Variants in LGR5 observed in about 807,000 individuals in gnomAD.
The protein encoded by LGR5 is leucine-rich repeat-containing G protein-coupled receptor 5.
Under a neutral mutation model 76.7 loss-of-function variants are expected in LGR5, and 54 were observed. That is an observed-to-expected ratio of 0.70 (90% CI 0.57 to 0.88). The LOEUF (loss-of-function observed/expected upper bound fraction) is 0.88. Ranked by LOEUF, LGR5 falls within the 40% of genes least tolerant of loss-of-function variation. The pLI is 0.00. For missense variants in LGR5, 1,078 were observed against 1,073.3 expected, an observed-to-expected ratio of 1.00 and a Z score of -0.06; for synonymous variants, 406 against 421.9, an observed-to-expected ratio of 0.96 and a Z score of 0.46.
chr12:71,572,621 A>G (rs933492436), intron 12 of LGR5, among the ~76,000 whole-genome samples: 1 of 152,210 alleles, frequency 6.6e-6, no homozygotes, highest in Non-Finnish European at 1.5e-5. Flanking sequence ...CATGTTTGGA[A>G]TATGGTTTTA....
intron 4 of LGR5, among the ~76,000 whole-genome samples, chr12:71,548,150 T>C (rs1877288562): frequency 6.6e-6 from 1 of 152,206 alleles, no homozygotes; most frequent in Non-Finnish European, 1.5e-5. Context: ...TGGGGCTGCC[T>C]CTGTCACAAT....
chr12:71,515,981 T>C (rs1411253125), intron 2 of LGR5, among the ~76,000 whole-genome samples: 4 of 152,212 alleles, frequency 2.6e-5, no homozygotes, highest in African/African-American at 7.2e-5. Context: ...TTTGGTGTCT[T>C]CATCTACAAA....
chr12:71,455,982 T>TA (rs1365192330), intron 1 of LGR5, among the ~76,000 whole-genome samples: 1 of 152,168 alleles, frequency 6.6e-6, no homozygotes, highest in Non-Finnish European at 1.5e-5. Context: ...AATGTATTTG[T>TA]AAATTGTAAG....
At chr12:71,534,451 A>G (rs1400488499) in intron 3 of LGR5, among the ~76,000 whole-genome samples, 1 of 152,168 alleles carries the variant, frequency 6.6e-6, no homozygotes, top group Non-Finnish European at 1.5e-5. Flanking sequence ...TTAGCCTCCT[A>G]CCATTATCCT....
intron 1 of LGR5, among the ~76,000 whole-genome samples, chr12:71,470,722 G>A (rs989536374): frequency 5.9e-5 from 9 of 152,130 alleles, no homozygotes; most frequent in African/African-American, 1.9e-4. Context: ...TCTCTAGGCA[G>A]GCTCAACTTT....
intron 17 of LGR5, 132 bp from the exon 18 acceptor site, chr12:71,583,514 TG>T: frequency 1.0e-6 from 1 of 997,884 alleles, no homozygotes; most frequent in Non-Finnish European, 1.5e-6. Flanking sequence ...AGCATGCACA[TG>T]GGCACTGTGT....
intron 1 of LGR5, among the ~76,000 whole-genome samples, chr12:71,483,545 CA>C (rs1873699720): frequency 6.6e-6 from 1 of 152,038 alleles, no homozygotes. Context: ...ACTACAGCAG[CA>C]AAAAAGTGGA....
intron 17 of LGR5, chr12:71,583,393 C>T (rs1239026016): frequency 1.9e-5 from 9 of 470,654 alleles, no homozygotes; most frequent in East Asian, 6.7e-5. Flanking sequence ...ATTAAGTGAT[C>T]GAAATTCTCC....
intron 6 of LGR5, among the ~76,000 whole-genome samples, chr12:71,558,184 T>C (rs1184581963): frequency 6.6e-6 from 1 of 152,192 alleles, no homozygotes; most frequent in Non-Finnish European, 1.5e-5. Context: ...ATTAGAACTC[T>C]TATCTACAAA....
intron 1 of LGR5, among the ~76,000 whole-genome samples, chr12:71,450,994 C>A (rs897351745): frequency 1.3e-5 from 2 of 152,146 alleles, no homozygotes; most frequent in Non-Finnish European, 2.9e-5. Context: ...TGCTGCCAAT[C>A]CCCCCTCCCT....
At chr12:71,479,627 T>C (rs1423082717) in intron 1 of LGR5, among the ~76,000 whole-genome samples, 1 of 151,664 alleles carries the variant, frequency 6.6e-6, no homozygotes, top group Non-Finnish European at 1.5e-5. Context: ...TATTCTATAT[T>C]GGAAGATCAA....
rs905458893 is a variant in LGR5 at position 71,585,804 on chromosome 12, C to G, written c.*1070C>G. The G allele has an allele frequency of 6.6e-6, 1 of 152,166 alleles. No homozygotes were observed. The highest frequency in any genetic ancestry group is 2.4e-5 in the African/African-American group (1 of 41,428). The allele number at this position is 152,166 out of a possible 1,614,324, so 9.4% of individuals were successfully genotyped here. On this transcript the variant is annotated 3_prime_UTR_variant, in exon 18 of 18. Transcript: ENST00000266674. The stretch of plus-strand genomic sequence containing the variant: ...TATTTAGCTTGGTTTTAGCTGTGTT[C>G]TCTCTGGATAACCCACTTGATGTTA...
intron 6 of LGR5, among the ~76,000 whole-genome samples, chr12:71,558,939 A>G (rs1877915966): frequency 6.6e-6 from 1 of 152,244 alleles, no homozygotes; most frequent in Admixed American, 6.5e-5. Flanking sequence ...GAGGGATAAC[A>G]TAGAGCTTTG....
intron 1 of LGR5, among the ~76,000 whole-genome samples, chr12:71,478,938 T>C (rs1001418838): frequency 6.6e-6 from 1 of 152,194 alleles, no homozygotes; most frequent in African/African-American, 2.4e-5. Context: ...ATCACTAAGG[T>C]AAGAAAGTGA....
intron 1 of LGR5, among the ~76,000 whole-genome samples, chr12:71,480,360 C>CA (rs59288333): frequency 0.022 from 1,791 of 80,028 alleles, 35 homozygotes; most frequent in African/African-American, 0.053. Context: ...GACTCTGTCT[C>CA]AAAAAAAAAA....
At chr12:71,487,380 G>A (rs573885635) in intron 1 of LGR5, among the ~76,000 whole-genome samples, 12 of 152,244 alleles carry the variant, frequency 7.9e-5, no homozygotes, top group Admixed American at 3.3e-4. Context: ...TTTGTCTTCA[G>A]TGTTTTCACT....
At chr12:71,495,515 T>C (rs1488201493) in intron 1 of LGR5, among the ~76,000 whole-genome samples, 1 of 151,432 alleles carries the variant, frequency 6.6e-6, no homozygotes, top group Admixed American at 6.5e-5. Context: ...TTTTAAGCCC[T>C]AGCTGGTTTT....
At chr12:71,450,376 A>G (rs760173886) in intron 1 of LGR5, among the ~76,000 whole-genome samples, 1 of 152,236 alleles carries the variant, frequency 6.6e-6, no homozygotes, top group African/African-American at 2.4e-5. Flanking sequence ...TGTATTACCT[A>G]AAAATCTGCA....
At chr12:71,535,944 C>T (rs1172609041) in intron 4 of LGR5, among the ~76,000 whole-genome samples, 1 of 152,166 alleles carries the variant, frequency 6.6e-6, no homozygotes, top group Non-Finnish European at 1.5e-5. Flanking sequence ...TGTTTTGGAA[C>T]TTGTATTGTA....
Sources: gnomAD v4.1 joint callset for allele counts (sites outside exome capture counted in the v4.1 genomes callset) on GRCh38, gnomAD v4.1.1 for gene constraint, MANE v1.5 for transcripts, NCBI Gene and HGNC (gene_info 2026-07-23, HGNC 2026-07-21) for gene names.